Variants in CFAP52 observed in about 807,000 individuals in gnomAD.
CFAP52 encodes the protein cilia and flagella associated protein 52, also known as cilia- and flagella-associated protein 52.
A neutral mutation model predicts 70.5 loss-of-function variants in CFAP52; 57 were observed. The ratio of observed to expected loss-of-function variants is 0.81; its 90% CI spans 0.65 to 1.01. The LOEUF (loss-of-function observed/expected upper bound fraction) is 1.01, where lower values mean the gene tolerates loss of function less well. Ranked by LOEUF, CFAP52 falls within the 50% of genes least tolerant of loss-of-function variation. CFAP52 has a pLI of 0.00. For missense variants in CFAP52, 785 were observed against 788.5 expected (o/e 1.00, Z 0.05); for synonymous variants, 267 against 292.5 (o/e 0.91, Z 0.89).
intron 6 of CFAP52, among the ~76,000 whole-genome samples, chr17:9,603,930 G>A (rs1188036767): frequency 1.3e-5 from 2 of 152,160 alleles, no homozygotes; most frequent in African/African-American, 4.8e-5. Flanking sequence ...CAGTAATCAA[G>A]ACAGTGTAGG....
chr17:9,582,375 C>T (rs1180053766), intron 1 of CFAP52, among the ~76,000 whole-genome samples: 3 of 152,142 alleles, frequency 2.0e-5, no homozygotes, highest in East Asian at 1.9e-4. Context: ...TATCTCATTT[C>T]GGACATAATT....
intron 9 of CFAP52, among the ~76,000 whole-genome samples, chr17:9,630,074 C>T (rs1213219856): frequency 6.6e-6 from 1 of 151,836 alleles, no homozygotes; most frequent in African/African-American, 2.4e-5. Flanking sequence ...TGCCCACATC[C>T]ACATCCCCTG....
intron 13 of CFAP52, among the ~76,000 whole-genome samples, 189 bp downstream of exon 13, chr17:9,642,024 A>C (rs1911086946): frequency 6.6e-6 from 1 of 152,216 alleles, no homozygotes; most frequent in African/African-American, 2.4e-5. Context: ...CATTTCAATG[A>C]GAGGAAACAT....
chr17:9,634,942 T>C (rs1439433941), intron 10 of CFAP52, among the ~76,000 whole-genome samples: 1 of 152,216 alleles, frequency 6.6e-6, no homozygotes, highest in African/African-American at 2.4e-5. Context: ...GGTATTGGAT[T>C]CAGTAGAGTT....
chr17:9,632,764 C>A, intron 9 of CFAP52, 124 bp from the exon 10 acceptor site: 1 of 1,382,790 alleles, frequency 7.2e-7, no homozygotes, highest in Non-Finnish European at 9.6e-7. Flanking sequence ...TTCAGCTGAG[C>A]TGGTCTCTTT....
At chr17:9,577,953 G>A (rs896726334) in intron 1 of CFAP52, among the ~76,000 whole-genome samples, 5 of 152,132 alleles carry the variant, frequency 3.3e-5, no homozygotes, top group South Asian at 2.1e-4. Context: ...TTATCCGGGC[G>A]TGGTGGTAGG....
At chr17:9,624,213 T>C (rs926769985) in intron 8 of CFAP52, among the ~76,000 whole-genome samples, 1 of 152,176 alleles carries the variant, frequency 6.6e-6, no homozygotes, top group Admixed American at 6.5e-5. Flanking sequence ...TAAGCTGATA[T>C]TTTCCACCAA....
intron 5 of CFAP52, 26 bp downstream of exon 5, chr17:9,598,359 A>G (rs2151935365): frequency 6.3e-7 from 1 of 1,580,228 alleles, no homozygotes; most frequent in African/African-American, 1.3e-5. Context: ...AGTATTAAGT[A>G]ACAATTAGCA....
intron 6 of CFAP52, among the ~76,000 whole-genome samples, chr17:9,603,087 T>C (rs1488992958): frequency 6.6e-6 from 1 of 152,224 alleles, no homozygotes; most frequent in Non-Finnish European, 1.5e-5. Flanking sequence ...TTTTTTGTTT[T>C]GTTTTGTTTT....
At chr17:9,599,410 A>C (rs1226773609) in intron 5 of CFAP52, among the ~76,000 whole-genome samples, 2 of 152,224 alleles carry the variant, frequency 1.3e-5, no homozygotes, top group Non-Finnish European at 2.9e-5. Flanking sequence ...GCAAATGTAC[A>C]TCCTTTTTGG....
intron 11 of CFAP52, among the ~76,000 whole-genome samples, chr17:9,636,738 C>T (rs1346392316): frequency 6.6e-6 from 1 of 152,084 alleles, no homozygotes; most frequent in Non-Finnish European, 1.5e-5. Flanking sequence ...TCAATGTGTA[C>T]TTAATACATT....
Position 9,643,165 on chromosome 17 carries a change from C to T in CFAP52, c.1830C>T (p.Ala610=). 1 of 1,612,400 alleles carries T rather than the reference C, an allele frequency of 6.2e-7. No individual in the cohort carries two copies. The highest frequency in any genetic ancestry group is 8.5e-7 in the Non-Finnish European group (1 of 1,179,312). ...QYIVSVSADG[A]ILRWKYPYTS is the part of the protein sequence containing the mutation. ...TTGTTAGTGTAAGTGCCGATGGAGC[C>T]ATTTTGCGATGGAAGTACCCATATA... Residue 610 remains alanine (A), a synonymous_variant, in exon 14 of 14, where the codon GCC becomes GCT. Coordinates refer to ENST00000352665, the MANE Select transcript of CFAP52 (RefSeq NM_145054.5).
At chr17:9,633,516 A>G (rs1392988605) in intron 10 of CFAP52, among the ~76,000 whole-genome samples, 1 of 151,940 alleles carries the variant, frequency 6.6e-6, no homozygotes, top group East Asian at 1.9e-4. Context: ...ATAAATATAT[A>G]TCTAAGTACA....
intron 8 of CFAP52, among the ~76,000 whole-genome samples, 186 bp downstream of exon 8, chr17:9,612,665 A>G (rs539845945): frequency 3.3e-4 from 51 of 152,324 alleles, no homozygotes; most frequent in Non-Finnish European, 6.0e-4. Context: ...TAGCTTTCCA[A>G]TTCAAATTTG....
At position 9,588,429 on chromosome 17, in the gene CFAP52, G is replaced by A. The variant is rs181520052; in HGVS notation, c.407+1595G>A. On this transcript the variant is annotated intron_variant, in intron 3 of 13. Transcript: ENST00000352665. ...CTGAAGGCAGGGTAGAGCTGGCTGC[G>A]CAGCTGTATGTGGGAGATGCCAGCT... Among the ~76,000 whole-genome samples the A allele has an allele frequency of 1.6e-3, 245 of 152,304 alleles. 1 individual carries two copies. Among genetic ancestry groups the A allele is most frequent in the African/African-American group, 5.5e-3 (228 of 41,578 alleles).
intron 6 of CFAP52, among the ~76,000 whole-genome samples, chr17:9,603,423 A>G (rs1180053489): frequency 2.0e-5 from 3 of 151,960 alleles, no homozygotes; most frequent in Non-Finnish European, 1.5e-5. Context: ...GTTAGCCAGG[A>G]TGGTCTCGAT....
chr17:9,604,635 G>A (rs1349781046), intron 6 of CFAP52, among the ~76,000 whole-genome samples: 1 of 151,976 alleles, frequency 6.6e-6, no homozygotes, highest in Non-Finnish European at 1.5e-5. Flanking sequence ...AAGTGTGGTG[G>A]TGTGAGCCTG....
chr17:9,584,428 A>G, intron 1 of CFAP52: 1 of 1,219,598 alleles, frequency 8.2e-7, no homozygotes, highest in South Asian at 1.4e-5. Context: ...GGTTATATTG[A>G]GGCATACTTG....
chr17:9,607,793 C>A (rs111389188), intron 6 of CFAP52, among the ~76,000 whole-genome samples: 6 of 151,976 alleles, frequency 3.9e-5, no homozygotes, highest in African/African-American at 1.5e-4. Flanking sequence ...GATGGTGAAG[C>A]CTGTTTGCAT....
Sources: allele counts gnomAD v4.1 joint callset (sites outside exome capture counted in the v4.1 genomes callset), GRCh38; gene constraint gnomAD v4.1.1; transcripts MANE v1.5; gene names NCBI Gene and HGNC (gene_info 2026-07-23, HGNC 2026-07-21).